COL6A5: variants seen among roughly 807,000 people sequenced by gnomAD.
COL6A5 encodes the protein collagen alpha-5(VI) chain.
In COL6A5, 48 loss-of-function variants were observed where a neutral mutation model predicts 65.6. The ratio of observed to expected loss-of-function variants is 0.73; its 90% CI spans 0.58 to 0.93. COL6A5 has a LOEUF of 0.93. COL6A5 is among the 40% of genes least tolerant of loss of function. The pLI is 0.00. For synonymous variants in COL6A5, 291 were observed against 322.8 expected, an observed-to-expected ratio of 0.90 and a Z score of 1.05; for missense variants, 914 against 928.3, an observed-to-expected ratio of 0.98 and a Z score of 0.20.
intron 1 of COL6A5, among the ~76,000 whole-genome samples, chr3:130,369,001 G>A (rs763779002): frequency 5.3e-5 from 8 of 152,084 alleles, no homozygotes; most frequent in Non-Finnish European, 1.2e-4. Context: ...TGCAGCCTAC[G>A]GCCCTTATCA....
intron 4 of COL6A5, among the ~76,000 whole-genome samples, chr3:130,451,741 T>G (rs981865394): frequency 8.6e-5 from 13 of 151,966 alleles, no homozygotes. Flanking sequence ...TTCTCTACAT[T>G]GTCAGGTAGG....
Position 130,420,963 on chromosome 3 carries a change from A to G in COL6A5, c.4951-190A>G, listed in dbSNP as rs867679890. Among the ~76,000 whole-genome samples the G allele has an allele frequency of 3.9e-5, 6 of 152,218 alleles. No homozygotes were observed. The South Asian group carries it at 1.2e-3, about 32-fold the overall frequency. On this transcript the variant is annotated intron_variant and NMD_transcript_variant, in intron 25 of 41. Coordinates refer to the COL6A5 transcript ENST00000312481. Reference sequence around the variant, plus strand: ...TTTACAGAATGGAGCTGGTCAAAGAAGTACAGGGAACATATCAGGGAGTGA... The same window carrying G: ...TTTACAGAATGGAGCTGGTCAAAGAGGTACAGGGAACATATCAGGGAGTGA...
intron 1 of COL6A5, among the ~76,000 whole-genome samples, chr3:130,370,466 C>G (rs1045132951): frequency 9.3e-4 from 141 of 152,254 alleles, no homozygotes; most frequent in African/African-American, 2.7e-3. Flanking sequence ...TGGTCATTTT[C>G]TTTTCTGAGA....
intron 4 of COL6A5, among the ~76,000 whole-genome samples, chr3:130,382,649 T>C (rs1035705743): frequency 6.6e-6 from 1 of 152,132 alleles, no homozygotes; most frequent in South Asian, 2.1e-4. Flanking sequence ...GTTTCTGTGA[T>C]CTAGAGTGTG....
chr3:130,426,250 G>A lies in COL6A5; in HGVS notation c.5199+1G>A. On this transcript the variant is annotated splice_donor_variant and NMD_transcript_variant, in intron 30 of 41. Coordinates refer to the COL6A5 transcript ENST00000312481. ...CATGGCAGGGCAGCCTGTATATTCT[G>A]TATGTATCTCCTTATTCATGAAAGA... 1 of 1,551,306 alleles carries A rather than the reference G, an allele frequency of 6.4e-7. No homozygotes were observed. Among genetic ancestry groups the A allele is most frequent in the Non-Finnish European group, 8.7e-7 (1 of 1,146,706 alleles).
chr3:130,398,171 C>CCCAGGTTG, intron 10 of COL6A5, 60 bp downstream of exon 10: 1 of 1,178,942 alleles, frequency 8.5e-7, no homozygotes, highest in East Asian at 2.6e-5. Context: ...CAGTCTGTCA[C>CCCAGGTTG]CCAGGTTGGA....
chr3:130,481,720 T>G (rs938794633), intron 7 of COL6A5, among the ~76,000 whole-genome samples: 5 of 152,200 alleles, frequency 3.3e-5, no homozygotes, highest in African/African-American at 1.2e-4. Context: ...GTTTCCTAAC[T>G]TTTTAATGAT....
At chr3:130,471,885 A>C in intron 7 of COL6A5, 1 of 1,534,986 alleles carries the variant, frequency 6.5e-7, no homozygotes. Context: ...CATTTAGAAG[A>C]AATTTCAGCT....
intron 1 of COL6A5, among the ~76,000 whole-genome samples, chr3:130,436,820 C>A (rs1386405331): frequency 6.6e-6 from 1 of 152,102 alleles, no homozygotes; most frequent in African/African-American, 2.4e-5. Context: ...TGCCCAAAGC[C>A]CATTCTTTAG....
At chr3:130,420,519 A>C (rs963376041) in intron 25 of COL6A5, among the ~76,000 whole-genome samples, 1 of 152,102 alleles carries the variant, frequency 6.6e-6, no homozygotes, top group African/African-American at 2.4e-5. Context: ...TTTGGACAAA[A>C]CCATAATGAA....
chr3:130,377,127 T>C (rs1045149696), intron 3 of COL6A5, among the ~76,000 whole-genome samples: 6 of 152,184 alleles, frequency 3.9e-5, no homozygotes, highest in Admixed American at 6.5e-5. Flanking sequence ...TAATTTCTTT[T>C]TGGGTTTCGG....
chr3:130,459,245 A>T (rs1709648178), intron 5 of COL6A5, among the ~76,000 whole-genome samples: 1 of 152,124 alleles, frequency 6.6e-6, no homozygotes, highest in Admixed American at 6.6e-5. Flanking sequence ...CCTTCAGACT[A>T]AGCTGGAGTT....
At chr3:130,403,553 G>A in intron 12 of COL6A5, 56 bp from the exon 13 acceptor site, 1 of 1,385,652 alleles carries the variant, frequency 7.2e-7, no homozygotes, top group Non-Finnish European at 9.6e-7. Flanking sequence ...GATTTCACAA[G>A]TTTGACTTTA....
At chr3:130,423,436 G>C (rs190015459) in intron 28 of COL6A5, among the ~76,000 whole-genome samples, 1 of 152,090 alleles carries the variant, frequency 6.6e-6, no homozygotes, top group Admixed American at 6.6e-5. Context: ...TCACTTTGGG[G>C]TATGAGAATG....
intron 3 of COL6A5, among the ~76,000 whole-genome samples, chr3:130,442,799 A>G (rs1417818433): frequency 6.6e-6 from 1 of 152,218 alleles, no homozygotes; most frequent in Admixed American, 6.5e-5. Flanking sequence ...TGCTTATCTT[A>G]GTATTTGAAA....
chr3:130,398,132 T>TG lies in COL6A5; in HGVS notation c.3991+21_3991+22insG, dbSNP rs1479836356. The TG allele has an allele frequency of 2.2e-6, 3 of 1,349,752 alleles. No individual in the cohort carries two copies. The African/African-American group carries it at 4.6e-5, about 21-fold the overall frequency. 83.6% of individuals were successfully genotyped at this position (1,349,752 alleles called of 1,614,324 possible). On this transcript the variant is annotated intron_variant and NMD_transcript_variant, in intron 10 of 41. Transcript: ENST00000312481. ...AGCAGGTATTGAGTTGTTGTTGTTT[T>TG]TTTTTTTTTTTTTTTTGAGATGGAG...
At chr3:130,428,207 T>C (rs1937649575), upstream of COL6A5, among the ~76,000 whole-genome samples, 1 of 152,094 alleles carries the variant, frequency 6.6e-6, no homozygotes, top group East Asian at 1.9e-4. Context: ...AGGGCACTGA[T>C]TGGATAACAC....
intron 7 of COL6A5, among the ~76,000 whole-genome samples, chr3:130,393,587 T>A (rs958015447): frequency 1.3e-5 from 2 of 152,228 alleles, no homozygotes; most frequent in African/African-American, 4.8e-5. Flanking sequence ...TTCCTATGCC[T>A]ACATTTTTGA....
intron 1 of COL6A5, among the ~76,000 whole-genome samples, chr3:130,363,318 T>C (rs1320359958): frequency 6.6e-6 from 1 of 152,178 alleles, no homozygotes; most frequent in East Asian, 1.9e-4. Context: ...ATCCTGTAAA[T>C]AGGACTTTAA....
Sources: gnomAD v4.1 joint callset for allele counts (sites outside exome capture counted in the v4.1 genomes callset) on GRCh38, gnomAD v4.1.1 for gene constraint, MANE v1.5 for transcripts, NCBI Gene and HGNC (gene_info 2026-07-23, HGNC 2026-07-21) for gene names.